CFAP61: variants seen among roughly 807,000 people sequenced by gnomAD.
CFAP61 encodes the protein cilia and flagella associated protein 61.
Under a neutral mutation model 135.6 loss-of-function variants are expected in CFAP61, and 107 were observed. The ratio of observed to expected loss-of-function variants is 0.79; its 90% CI spans 0.67 to 0.93. The LOEUF is 0.93. Among genes scored for constraint, CFAP61 ranks in the 40% least tolerant of loss-of-function variants. CFAP61 has a pLI of 0.00. For missense variants in CFAP61, 1,507 were observed against 1,556.2 expected, an observed-to-expected ratio of 0.97 and a Z score of 0.53; for synonymous variants, 575 against 578.5, an observed-to-expected ratio of 0.99 and a Z score of 0.09.
At chr20:20,116,650 TTGTAAAC>T (rs1192175257) in intron 8 of CFAP61, among the ~76,000 whole-genome samples, 1 of 152,144 alleles carries the variant, frequency 6.6e-6, no homozygotes, top group Admixed American at 6.5e-5. Context: ...TTCTACATGG[TTGTAAAC>T]TGTAGTCACC....
At chr20:20,189,799 A>G (rs1415785543) in intron 14 of CFAP61, among the ~76,000 whole-genome samples, 1 of 151,892 alleles carries the variant, frequency 6.6e-6, no homozygotes. Flanking sequence ...TTATTTATTT[A>G]TTTGTTTATT....
chr20:20,074,571 G>A (rs2045932174), intron 4 of CFAP61, among the ~76,000 whole-genome samples, 193 bp downstream of exon 4: 1 of 152,162 alleles, frequency 6.6e-6, no homozygotes, highest in African/African-American at 2.4e-5. Context: ...TGTCCATTCT[G>A]CACGCTGTTA....
chr20:20,090,289 C>G (rs2047089788), intron 6 of CFAP61, among the ~76,000 whole-genome samples: 1 of 152,172 alleles, frequency 6.6e-6, no homozygotes, highest in Non-Finnish European at 1.5e-5. Context: ...TAGAGGTCCT[C>G]CCTGACCACT....
intron 17 of CFAP61, among the ~76,000 whole-genome samples, chr20:20,202,591 C>T (rs1290991502): frequency 6.6e-6 from 1 of 152,086 alleles, no homozygotes; most frequent in Admixed American, 6.5e-5. Flanking sequence ...GATTATCTGA[C>T]ACAAGTTGAG....
Position 20,359,065 on chromosome 20 carries a change from G to A in CFAP61, c.3514-1145G>A, listed in dbSNP as rs1602202856. Among the ~76,000 whole-genome samples the A allele has an allele frequency of 6.6e-6, 1 of 152,190 alleles. No individual in the cohort carries two copies. The highest frequency in any genetic ancestry group is 1.5e-5 in the Non-Finnish European group (1 of 68,034). ...CAGATGTTAACTGTGGAGTCCAGGT[G>A]CAGGTGTGCAGGTGTTCAGTGGACA... On this transcript the variant is annotated intron_variant, in intron 26 of 26. Transcript: ENST00000245957. This position sits in a 1 kb window ranked among gnomAD's most constrained non-coding sequence, Gnocchi z 4.0.
intron 25 of CFAP61, among the ~76,000 whole-genome samples, chr20:20,321,969 C>T (rs1465265928): frequency 8.5e-5 from 13 of 152,142 alleles, no homozygotes. Flanking sequence ...AGAATATTCC[C>T]TCTGAATTTC....
At chr20:20,166,084 C>T (rs924740179) in intron 11 of CFAP61, among the ~76,000 whole-genome samples, 3 of 152,156 alleles carry the variant, frequency 2.0e-5, no homozygotes, top group African/African-American at 7.2e-5. Context: ...ATAATATTTC[C>T]CACCTCTCCT....
chr20:20,158,555 C>T (rs1269254371), intron 9 of CFAP61, among the ~76,000 whole-genome samples: 1 of 152,174 alleles, frequency 6.6e-6, no homozygotes. Flanking sequence ...GGATACTATT[C>T]AGCAACAAAG....
At chr20:20,256,000 TG>T (rs1249442898) in intron 20 of CFAP61, among the ~76,000 whole-genome samples, 1 of 152,178 alleles carries the variant, frequency 6.6e-6, no homozygotes, top group East Asian at 1.9e-4. Context: ...TCTGATGCCC[TG>T]GGGTTGCCAC....
intron 18 of CFAP61, among the ~76,000 whole-genome samples, chr20:20,231,001 G>T (rs1250976669): frequency 6.6e-6 from 1 of 152,208 alleles, no homozygotes; most frequent in Non-Finnish European, 1.5e-5. Flanking sequence ...ACACAACTTT[G>T]TTCTTGTATT....
intron 13 of CFAP61, among the ~76,000 whole-genome samples, chr20:20,182,238 G>GGATGAC (rs2055155473): frequency 2.0e-5 from 3 of 152,212 alleles, no homozygotes; most frequent in East Asian, 3.9e-4. Context: ...CTGTTGGTAC[G>GGATGAC]GATGACATAA....
At chr20:20,345,697 G>T (rs1231594462) in intron 26 of CFAP61, among the ~76,000 whole-genome samples, 1 of 152,026 alleles carries the variant, frequency 6.6e-6, no homozygotes, top group Non-Finnish European at 1.5e-5. Flanking sequence ...AAGGCAGGCA[G>T]ATCACCTGAG....
intron 25 of CFAP61, among the ~76,000 whole-genome samples, chr20:20,318,359 T>G (rs1467806462): frequency 6.6e-6 from 1 of 152,196 alleles, no homozygotes; most frequent in Non-Finnish European, 1.5e-5. Context: ...TTCAAGAGGT[T>G]ATTGGATAAA....
intron 1 of CFAP61, chr20:20,052,862 C>T (rs770369790): frequency 5.2e-6 from 4 of 774,092 alleles, no homozygotes; most frequent in Non-Finnish European, 8.2e-6. Context: ...GCATTGCATT[C>T]TAGTAGTCTC....
intron 13 of CFAP61, among the ~76,000 whole-genome samples, chr20:20,185,028 G>A (rs2055398767): frequency 6.6e-6 from 1 of 152,166 alleles, no homozygotes; most frequent in African/African-American, 2.4e-5. Flanking sequence ...AGTTGGAGAG[G>A]GGGCTCTCAG....
chr20:20,315,534 G>T (rs1444277839), intron 25 of CFAP61, among the ~76,000 whole-genome samples: 15 of 151,924 alleles, frequency 9.9e-5, no homozygotes, highest in African/African-American at 2.2e-4. Flanking sequence ...AGAAGCTCTT[G>T]AGTTTAATTA....
chr20:20,158,644 A>G (rs1048450751), intron 9 of CFAP61, among the ~76,000 whole-genome samples: 2 of 152,232 alleles, frequency 1.3e-5, no homozygotes, highest in African/African-American at 4.8e-5. Flanking sequence ...CCAGATCAAA[A>G]AAGAATAAAT....
chr20:20,222,913 GA>G (rs2048496693), intron 17 of CFAP61, among the ~76,000 whole-genome samples: 1 of 152,194 alleles, frequency 6.6e-6, no homozygotes, highest in Admixed American at 6.5e-5. Context: ...AGAAGCATCA[GA>G]AAAATTACAT....
intron 3 of CFAP61, 85 bp from the exon 4 acceptor site, chr20:20,074,217 T>C (rs981803368): frequency 9.9e-7 from 1 of 1,006,758 alleles, no homozygotes; most frequent in Non-Finnish European, 1.6e-6. Context: ...TGTCTGTGGA[T>C]GCCCCGAAAC....
Sources: gnomAD v4.1 joint callset for allele counts (sites outside exome capture counted in the v4.1 genomes callset) on GRCh38, gnomAD v4.1.1 for gene constraint, Gnocchi (gnomAD v3.1) non-coding constraint, MANE v1.5 for transcripts, NCBI Gene and HGNC (gene_info 2026-07-23, HGNC 2026-07-21) for gene names.